USP46: variants seen among roughly 807,000 people sequenced by gnomAD.
The protein encoded by USP46 is ubiquitin carboxyl-terminal hydrolase 46.
In USP46, 12 loss-of-function variants were observed where a neutral mutation model predicts 44.4. That is an observed-to-expected ratio of 0.27 (90% confidence interval 0.17 to 0.44). The LOEUF (loss-of-function observed/expected upper bound fraction) is 0.44. USP46 is among the 20% of genes least tolerant of loss of function. The probability of loss-of-function intolerance (pLI) is 1.00; values close to 1 mark genes in which losing one functional copy is unlikely to be tolerated. For missense variants in USP46, 248 were observed against 444.8 expected (o/e 0.56, Z 3.98); for synonymous variants, 155 against 161.5 (o/e 0.96, Z 0.31).
chr4:52,603,517 G>C (rs529677098), intron 6 of USP46, among the ~76,000 whole-genome samples: 1 of 152,256 alleles, frequency 6.6e-6, no homozygotes, highest in Non-Finnish European at 1.5e-5. Flanking sequence ...CCACTGACAA[G>C]ATAGATTTAA....
At position 52,626,105 on chromosome 4, in the gene USP46, C is replaced by A. The variant is rs1363017106; in HGVS notation, c.474G>T (p.Ala158=). The change falls in exon 4 of 9, where the codon GCG becomes GCT. Residue 158 remains alanine, a synonymous_variant. Transcript: ENST00000441222. ...AGGTGAGTTCTGGTTTATTATTTTC[C>A]GCAGGTTCGTTCATGTTGCCATTTT... ...KLKNGNMNEP[A]ENNKPELTWV... is the part of the protein sequence containing the mutation. 1 of 1,613,722 alleles carries A rather than the reference C, an allele frequency of 6.2e-7. No homozygotes were observed.
chr4:52,612,147 T>C (rs1160059843), intron 4 of USP46, among the ~76,000 whole-genome samples: 1 of 152,202 alleles, frequency 6.6e-6, no homozygotes, highest in African/African-American at 2.4e-5. Flanking sequence ...ACATTTTAAG[T>C]GGCCTAAAAT....
At chr4:52,626,545 A>C (rs970238166) in intron 3 of USP46, among the ~76,000 whole-genome samples, 1 of 152,114 alleles carries the variant, frequency 6.6e-6, no homozygotes, top group Non-Finnish European at 1.5e-5. Flanking sequence ...GGATGGTCTC[A>C]ATCTCTTGAC....
Position 52,637,866 on chromosome 4 carries a change from C to T in USP46, c.37-6722G>A, listed in dbSNP as rs545211298. On this transcript the variant is annotated intron_variant, in intron 1 of 8. Transcript: ENST00000441222. The stretch of plus-strand genomic sequence containing the variant: ...TTCCAATGGCCCTCCTGCTGTTCTC[C>T]GGTACCTCAAATGCCCCCTGCTTAC... Among the ~76,000 whole-genome samples, 326 of 152,264 alleles carry T rather than the reference C, an allele frequency of 2.1e-3. No individual in the cohort carries two copies. The Middle Eastern group carries it at 0.024, about 11-fold the overall frequency.
intron 1 of USP46, among the ~76,000 whole-genome samples, chr4:52,642,239 T>C (rs1486348286): frequency 1.3e-5 from 2 of 152,212 alleles, no homozygotes; most frequent in Non-Finnish European, 1.5e-5. Context: ...ATAAATAGCA[T>C]AGACTGTGTA....
In USP46 at chr4:52,659,295, G is replaced by A; in HGVS notation, c.-145C>T. 1 of 748,592 alleles carries A rather than the reference G, an allele frequency of 1.3e-6. No individual in the cohort carries two copies. 46.4% of individuals were successfully genotyped at this position (748,592 alleles called of 1,614,324 possible). A position where few individuals can be genotyped will look rare whatever the true frequency, so the allele number is the denominator to read the frequency against. On this transcript the variant is annotated 5_prime_UTR_variant, in exon 1 of 9. Transcript: ENST00000441222. The surrounding 1 kb of genome is among the most constrained non-coding windows in gnomAD (Gnocchi z 4.2). Reference sequence around the variant, plus strand: ...CAGTTTGGCTGGGAGAGGGAGGCCGGGAGGAGGAGGCGGCGGCGCGGGGAG... The same window carrying A: ...CAGTTTGGCTGGGAGAGGGAGGCCGAGAGGAGGAGGCGGCGGCGCGGGGAG...
rs148625575 is a variant in USP46 at position 52,635,869 on chromosome 4, G to A, written c.37-4725C>T. Among the ~76,000 whole-genome samples, 54 of 152,310 alleles carry A rather than the reference G, an allele frequency of 3.5e-4. No homozygotes were observed. In the East Asian group the frequency reaches 0.01, roughly 29 times the overall value. On this transcript the variant is annotated intron_variant, in intron 1 of 8. Transcript: ENST00000441222. ...TGAGATGGGTTTCAAACAAGCTGGT[G>A]GTGAGGTGGGGAGAAGTGGGGGTGG...
chr4:52,628,634 C>T (rs1034604877), intron 2 of USP46, among the ~76,000 whole-genome samples: 4 of 152,222 alleles, frequency 2.6e-5, no homozygotes, highest in Non-Finnish European at 4.4e-5. Context: ...TCGGCTGAAA[C>T]AGCCTAAACT....
At chr4:52,620,361 C>G (rs1717332934) in intron 4 of USP46, among the ~76,000 whole-genome samples, 2 of 152,278 alleles carry the variant, frequency 1.3e-5, no homozygotes, top group Non-Finnish European at 1.5e-5. Flanking sequence ...CTGAAGCCCC[C>G]TTGTTCTGGT....
rs148821254 is a variant in USP46 at position 52,613,517 on chromosome 4, T to C, written c.562-2900A>G. On this transcript the variant is annotated intron_variant, in intron 4 of 8. Transcript: ENST00000441222. ...GGCAGGTGAATCACATGGTCAGGAG[T>C]TGGAGGCCAGCCTGGCCAAGATGAT... is the stretch of plus-strand genomic sequence containing the variant. Among the ~76,000 whole-genome samples the C allele has an allele frequency of 3.6e-4, 55 of 151,240 alleles. No individual in the cohort carries two copies. In the East Asian group the frequency reaches 0.011, roughly 29 times the overall value.
intron 5 of USP46, among the ~76,000 whole-genome samples, chr4:52,605,437 T>C (rs1224922788): frequency 1.3e-5 from 2 of 152,236 alleles, no homozygotes; most frequent in Admixed American, 1.3e-4. Context: ...TAATACCCTA[T>C]AGTTTTGAAA....
chr4:52,608,311 C>A (rs545691203), intron 5 of USP46, among the ~76,000 whole-genome samples: 1 of 152,226 alleles, frequency 6.6e-6, no homozygotes, highest in African/African-American at 2.4e-5. Flanking sequence ...TCTTCTTTTT[C>A]ACTCACCACA....
intron 1 of USP46, among the ~76,000 whole-genome samples, chr4:52,638,756 C>T (rs1192112705): frequency 6.6e-6 from 1 of 151,800 alleles, no homozygotes; most frequent in East Asian, 1.9e-4. Context: ...CCCCACAATA[C>T]CTGCTGCATG....
intron 1 of USP46, among the ~76,000 whole-genome samples, chr4:52,644,572 A>G (rs1718467885): frequency 6.6e-6 from 1 of 152,022 alleles, no homozygotes; most frequent in South Asian, 2.1e-4. Flanking sequence ...AGAGGGATCT[A>G]GGTTGCATAC....
chr4:52,627,825 C>G, intron 3 of USP46, 125 bp downstream of exon 3: 7 of 1,056,352 alleles, frequency 6.6e-6, no homozygotes, highest in Non-Finnish European at 9.3e-6. Flanking sequence ...AAAATGACAC[C>G]GAGTAGTTAA....
chr4:52,644,839 C>T (rs1036233261), intron 1 of USP46, among the ~76,000 whole-genome samples: 3 of 151,780 alleles, frequency 2.0e-5, no homozygotes, highest in South Asian at 2.1e-4. Context: ...GGGTGGATCA[C>T]GCGGTCAGGA....
intron 4 of USP46, among the ~76,000 whole-genome samples, chr4:52,621,978 T>C (rs1020129225): frequency 6.6e-6 from 1 of 152,224 alleles, no homozygotes; most frequent in South Asian, 2.1e-4. Flanking sequence ...AATATTAATA[T>C]AACCTTTAAT....
At chr4:52,600,635 G>A (rs1442839627) in intron 7 of USP46, among the ~76,000 whole-genome samples, 1 of 152,018 alleles carries the variant, frequency 6.6e-6, no homozygotes, top group Non-Finnish European at 1.5e-5. Context: ...GGCACCCACA[G>A]AGACCCACAC....
In USP46 at chr4:52,659,179, CG is replaced by C; in HGVS notation, c.-30del. The C allele has an allele frequency of 6.5e-7, 1 of 1,542,024 alleles. No homozygotes were observed. Among genetic ancestry groups the C allele is most frequent in the Non-Finnish European group, 8.7e-7 (1 of 1,144,260 alleles). On this transcript the variant is annotated 5_prime_UTR_variant, in exon 1 of 9. It introduces an in-frame stop codon into an upstream open reading frame of the 5' UTR. Transcript: ENST00000441222. The surrounding 1 kb of genome is among the most constrained non-coding windows in gnomAD (Gnocchi z 4.2). ...TCTAAAGGTTGCAGCGATCCCTCACCGCCATCTTTACAAGGGGAAACCGGGA... is the reference window on the plus strand; with the variant it reads ...TCTAAAGGTTGCAGCGATCCCTCACCCCATCTTTACAAGGGGAAACCGGGA...
Sources: allele counts gnomAD v4.1 joint callset (sites outside exome capture counted in the v4.1 genomes callset), GRCh38; gene constraint gnomAD v4.1.1; non-coding constraint Gnocchi (gnomAD v3.1); transcripts MANE v1.5; gene names NCBI Gene and HGNC (gene_info 2026-07-23, HGNC 2026-07-21).